AOPEP: variants seen among roughly 807,000 people sequenced by gnomAD.
AOPEP encodes aminopeptidase O.
A neutral mutation model predicts 98.1 loss-of-function variants in AOPEP; 77 were observed. The ratio of observed to expected loss-of-function variants is 0.78; its 90% CI spans 0.65 to 0.95. The LOEUF (loss-of-function observed/expected upper bound fraction) is 0.95, where lower values mean the gene tolerates loss of function less well. Ranked by LOEUF, AOPEP falls within the 40% of genes least tolerant of loss-of-function variation. AOPEP has a pLI of 0.00. For synonymous variants in AOPEP, 346 were observed against 365.3 expected (o/e 0.95, Z 0.60); for missense variants, 1,024 against 1,024.7 (o/e 1.00, Z 0.01).
At chr9:94,968,592 G>C (rs980848395) in intron 10 of AOPEP, among the ~76,000 whole-genome samples, 1 of 152,126 alleles carries the variant, frequency 6.6e-6, no homozygotes, top group African/African-American at 2.4e-5. Flanking sequence ...GGCCAGGCTG[G>C]TCTCAAACTC....
rs373270055 is a variant in AOPEP at position 94,860,524 on chromosome 9, G to A, written c.1364+59522G>A. ...TGGTGAGATGAGATGATGTGTGGCC[G>A]CAATCCAGGCAGGAGATGAAGGTGG... is the stretch of plus-strand genomic sequence containing the variant. On this transcript the variant is annotated intron_variant, in intron 5 of 16. Transcript: ENST00000375315. Among the ~76,000 whole-genome samples, 283 of 152,242 alleles carry A rather than the reference G, an allele frequency of 1.9e-3. 11 individuals are homozygous for A. In the South Asian group the frequency reaches 0.056, roughly 30 times the overall value.
the AOPEP span, among the ~76,000 whole-genome samples, chr9:95,098,531 C>T: frequency 6.6e-6 from 1 of 152,130 alleles, no homozygotes; most frequent in East Asian, 1.9e-4. Flanking sequence ...CCCTAGTGTC[C>T]CATAGCCGGA....
Position 94,759,935 on chromosome 9 carries a change from A to G in AOPEP, c.152A>G (p.Asn51Ser), listed in dbSNP as rs1837883045. ...ATAGTGCTTTTCCTCGAGGATGGAA[A>G]CAGATTCAAGAAACAGAATAGCTCT... is the stretch of plus-strand genomic sequence containing the variant. The part of the protein sequence containing the change: ...GTIVLFLEDG[N>S]RFKKQNSSIE... Residue 51 changes from asparagine (N) to serine (S), a missense_variant, in exon 2 of 17, where the codon AAC (asparagine) becomes AGC (serine). Around this residue, in one of 3 missense-constraint regions of AOPEP, gnomAD observed 440 missense variants for 433.8 expected, o/e 1.01. Coordinates refer to ENST00000375315, the MANE Select transcript of AOPEP (RefSeq NM_001193329.3). 6.2e-7 allele frequency: 1 copy of G among 1,614,190 alleles called. No homozygotes were observed. The highest frequency in any genetic ancestry group is 8.5e-7 in the Non-Finnish European group (1 of 1,180,034).
At chr9:94,863,509 T>C (rs1431604167) in intron 5 of AOPEP, among the ~76,000 whole-genome samples, 1 of 152,130 alleles carries the variant, frequency 6.6e-6, no homozygotes, top group East Asian at 1.9e-4. Context: ...CTCAAACTCC[T>C]AACCTCAGGT....
At chr9:95,051,480 A>G (rs1357094659) in intron 13 of AOPEP, among the ~76,000 whole-genome samples, 2 of 152,128 alleles carry the variant, frequency 1.3e-5, no homozygotes, top group African/African-American at 4.8e-5. Context: ...AGGCAAAGGG[A>G]GAGATCTTTC....
rs117363907 is a variant in AOPEP at position 94,801,777 on chromosome 9, T to G, written c.1364+775T>G. 4.1e-4 allele frequency among the ~76,000 whole-genome samples: 62 copies of G among 152,346 alleles called. 1 individual carries two copies. The East Asian group carries it at 0.011, about 28-fold the overall frequency. The stretch of plus-strand genomic sequence containing the variant: ...TCTTAATCATTAGCAGTGAATATGC[T>G]TGACTAAGGATGGGAAAAATAAGCT... On this transcript the variant is annotated intron_variant, in intron 5 of 16. Coordinates refer to ENST00000375315, the MANE Select transcript of AOPEP (RefSeq NM_001193329.3).
chr9:94,758,778 A>G (rs953883868), intron 1 of AOPEP, among the ~76,000 whole-genome samples: 2 of 152,230 alleles, frequency 1.3e-5, no homozygotes, highest in African/African-American at 4.8e-5. Flanking sequence ...AATAATTTCA[A>G]ATAATTTTTC....
At chr9:94,887,177 T>C (rs2048337906) in intron 5 of AOPEP, among the ~76,000 whole-genome samples, 1 of 151,702 alleles carries the variant, frequency 6.6e-6, no homozygotes, top group Non-Finnish European at 1.5e-5. Flanking sequence ...CCCCCCCGTC[T>C]CTACAAAAAA....
At chr9:94,863,429 C>T (rs1361705429) in intron 5 of AOPEP, among the ~76,000 whole-genome samples, 1 of 152,090 alleles carries the variant, frequency 6.6e-6, no homozygotes, top group Non-Finnish European at 1.5e-5. Flanking sequence ...TACAGGCGCC[C>T]ACCACCACGC....
At chr9:94,805,091 G>A (rs562129382) in intron 5 of AOPEP, among the ~76,000 whole-genome samples, 31 of 152,280 alleles carry the variant, frequency 2.0e-4, no homozygotes, top group African/African-American at 7.2e-4. Flanking sequence ...GGTGCCAGGA[G>A]CAAGTGAGTC....
intron 5 of AOPEP, among the ~76,000 whole-genome samples, chr9:94,917,497 C>A (rs142685589): frequency 6.6e-6 from 1 of 152,168 alleles, no homozygotes; most frequent in African/African-American, 2.4e-5. Context: ...CCCATGAGCA[C>A]CCACCTTGAA....
intron 3 of AOPEP, among the ~76,000 whole-genome samples, chr9:94,781,962 C>T (rs1363417619): frequency 4.0e-5 from 6 of 150,998 alleles, no homozygotes; most frequent in East Asian, 2.0e-4. Context: ...GAGGCCGAGG[C>T]GGGCGGATCA....
At chr9:94,919,607 G>A (rs2053309673) in intron 5 of AOPEP, among the ~76,000 whole-genome samples, 1 of 151,956 alleles carries the variant, frequency 6.6e-6, no homozygotes, top group South Asian at 2.1e-4. Flanking sequence ...GTGTAGGCGA[G>A]AGTGTTGACA....
At chr9:94,805,755 A>G (rs1255058806) in intron 5 of AOPEP, among the ~76,000 whole-genome samples, 1 of 152,220 alleles carries the variant, frequency 6.6e-6, no homozygotes, top group African/African-American at 2.4e-5. Flanking sequence ...ATGCACGTAC[A>G]TGCCCAAGAA....
At chr9:94,932,721 T>A in intron 7 of AOPEP, 1 of 780,216 alleles carries the variant, frequency 1.3e-6, no homozygotes, top group Non-Finnish European at 1.6e-6. Flanking sequence ...TAACCTCAAG[T>A]GATCTGCCTG....
intron 5 of AOPEP, among the ~76,000 whole-genome samples, chr9:94,822,981 C>T (rs1424584836): frequency 7.7e-6 from 1 of 130,356 alleles, no homozygotes; most frequent in African/African-American, 3.0e-5. Flanking sequence ...TTTCACTCAC[C>T]TGTCCCCTAA....
At chr9:94,899,178 G>GTTTTTTTTTT (rs2050024360) in intron 5 of AOPEP, among the ~76,000 whole-genome samples, 1 of 61,608 alleles carries the variant, frequency 1.6e-5, no homozygotes, top group African/African-American at 5.3e-5. Context: ...CTCTTCATTT[G>GTTTTTTTTTT]CTTTTTTTTT....
chr9:94,908,248 C>T (rs115707417), intron 5 of AOPEP, among the ~76,000 whole-genome samples: 3,011 of 152,182 alleles, frequency 0.02, 106 homozygotes, highest in African/African-American at 0.068. Flanking sequence ...GGCAGGCCAC[C>T]GAAAGAAGCG....
At chr9:94,786,707 A>G (rs898508158) in intron 3 of AOPEP, among the ~76,000 whole-genome samples, 1 of 152,174 alleles carries the variant, frequency 6.6e-6, no homozygotes, top group Non-Finnish European at 1.5e-5. Context: ...ACTAATGAAA[A>G]TCTTCTCCAG....
Sources: allele counts gnomAD v4.1 joint callset (sites outside exome capture counted in the v4.1 genomes callset), GRCh38; gene constraint gnomAD v4.1.1; regional missense constraint gnomAD v4.1.1; transcripts MANE v1.5; gene names NCBI Gene and HGNC (gene_info 2026-07-23, HGNC 2026-07-21).